The following MICALL2 variants were observed in gnomAD, a reference collection of about 807,000 sequenced individuals.
MICALL2 encodes MICAL like 2.
In MICALL2, 111 loss-of-function variants were observed where a neutral mutation model predicts 91.1. The ratio of observed to expected loss-of-function variants is 1.22; its 90% confidence interval spans 1.04 to 1.43. The LOEUF (loss-of-function observed/expected upper bound fraction) is 1.43. Among genes scored for constraint, MICALL2 ranks in the 40% most tolerant of loss-of-function variants. The probability of loss-of-function intolerance (pLI) is 0.00; values close to 1 mark genes in which losing one functional copy is unlikely to be tolerated. For missense variants in MICALL2, 1,556 were observed against 1,236.0 expected (o/e 1.26, Z -3.88); for synonymous variants, 694 against 525.3 (o/e 1.32, Z -4.39).
Position 1,438,245 on chromosome 7 carries a change from T to C in MICALL2, c.2188-25A>G, listed in dbSNP as rs752313782. ...GCTGGGAACGGAGGGGCGGTGAGGA[T>C]GCCGGAGGGCTGGGCCCCTGCCCGG... On this transcript the variant is annotated intron_variant, in intron 11 of 16. Transcript: ENST00000297508. 2.6e-5 allele frequency: 42 copies of C among 1,588,694 alleles called. No homozygotes were observed. The African/African-American group carries it at 5.5e-4, about 21-fold the overall frequency.
Position 1,452,497 on chromosome 7 carries a change from C to T in MICALL2, c.144-2209G>A, listed in dbSNP as rs916077750. Reference sequence around the variant, plus strand: ...CCTTCCCTAGGGTCACTGACCAAAGCGGCCATGTCCCCGGAAAGAATGCCC... The same window carrying T: ...CCTTCCCTAGGGTCACTGACCAAAGTGGCCATGTCCCCGGAAAGAATGCCC... On this transcript the variant is annotated intron_variant, in intron 1 of 16. Transcript: ENST00000297508. The surrounding 1 kb of genome is among the most constrained non-coding windows in gnomAD (Gnocchi z 6.2). 2.6e-5 allele frequency among the ~76,000 whole-genome samples: 4 copies of T among 152,190 alleles called. No homozygotes were observed. Among genetic ancestry groups the T allele is most frequent in the Non-Finnish European group, 5.9e-5 (4 of 68,034 alleles).
chr7:1,437,048 C>T (rs1584194925), intron 14 of MICALL2, 192 bp from the exon 15 acceptor site: 8 of 509,184 alleles, frequency 1.6e-5, no homozygotes, highest in Non-Finnish European at 2.7e-5. Flanking sequence ...AGCCCGTGTG[C>T]TGGGATCCTT....
rs759066184 is a variant in MICALL2, at chr7:1,438,277, A to G, written c.2187+12T>C. 195 of 1,593,080 alleles carry G rather than the reference A, an allele frequency of 1.2e-4. No individual in the cohort carries two copies. The highest frequency in any genetic ancestry group is 1.6e-4 in the Non-Finnish European group (186 of 1,170,344). On this transcript the variant is annotated intron_variant, in intron 11 of 16. Transcript: ENST00000297508. ...GGGCTGGGCCCCTGCCCGGCTCCCCACCACTACTCACCCTGACTGGGGAGG... is the reference window on the plus strand; with the variant it reads ...GGGCTGGGCCCCTGCCCGGCTCCCCGCCACTACTCACCCTGACTGGGGAGG...
chr7:1,448,913 G>T, intron 2 of MICALL2, 152 bp from the exon 3 acceptor site: 1 of 873,682 alleles, frequency 1.1e-6, no homozygotes, highest in Non-Finnish European at 1.7e-6. Flanking sequence ...TGGCCTCCCG[G>T]CCTCAGCTTA....
intron 4 of MICALL2, 151 bp downstream of exon 4, chr7:1,447,424 C>A: frequency 3.6e-6 from 2 of 558,834 alleles, no homozygotes; most frequent in Non-Finnish European, 3.2e-6. Context: ...CCGGTCCTGG[C>A]GGCTCTTGCT....
At chr7:1,438,720 G>T in intron 10 of MICALL2, 120 bp downstream of exon 10, 1 of 1,492,450 alleles carries the variant, frequency 6.7e-7, no homozygotes, top group Non-Finnish European at 8.9e-7. Context: ...CTTCCTCCAG[G>T]CTTTCCCTCC....
Position 1,437,608 on chromosome 7 carries a change from C to T in MICALL2, c.2403G>A (p.Lys801=). ...GCTCCTCCAGACGCTGGGCCTTGGA[C>T]CTGCCGCACAGACACGCGTCTGAGG... is the stretch of plus-strand genomic sequence containing the variant. ...LLRQESELMY[K]SKAQRLEEQQ... The change falls in exon 14 of 17, where the codon AAG becomes AAA. Residue 801 remains lysine, a splice_region_variant and synonymous_variant. Coordinates refer to ENST00000297508, the MANE Select transcript of MICALL2 (RefSeq NM_182924.4). 6.5e-7 allele frequency: 1 copy of T among 1,539,482 alleles called. No homozygotes were observed. The highest frequency in any genetic ancestry group is 1.2e-5 in the South Asian group (1 of 83,976).
rs778465614 is a variant in MICALL2 at position 1,438,122 on chromosome 7, C to A, written c.2286G>T (p.Glu762Asp). Residue 762 changes from glutamate to aspartate, a missense_variant, in exon 12 of 17, where the codon GAG (glutamate) becomes GAT (aspartate). Glu to Asp is a conservative substitution (Grantham distance 45). Coordinates refer to ENST00000297508, the MANE Select transcript of MICALL2 (RefSeq NM_182924.4). The stretch of plus-strand genomic sequence containing the variant: ...CTCCCTCGGCCGCCCGCAGTCGCTT[C>A]TCCAGCTCCACGCCGCGGAGCTCCA... ...DALELRGVEL[E>D]KRLRAAEGDD... 3.2e-6 allele frequency: 5 copies of A among 1,563,560 alleles called. No homozygotes were observed. Among genetic ancestry groups the A allele is most frequent in the Non-Finnish European group, 4.3e-6 (5 of 1,154,884 alleles).
At chr7:1,456,151 C>G (rs556264873) in intron 1 of MICALL2, among the ~76,000 whole-genome samples, 1 of 151,882 alleles carries the variant, frequency 6.6e-6, no homozygotes, top group Non-Finnish European at 1.5e-5. Context: ...CCAGGCGCGG[C>G]GGCTCACATC....
Position 1,444,756 on chromosome 7 carries a change from G to A in MICALL2, c.1314C>T (p.Thr438=), listed in dbSNP as rs574887794. 3 of 1,612,202 alleles carry A rather than the reference G, an allele frequency of 1.9e-6. No homozygotes were observed. Among genetic ancestry groups the A allele is most frequent in the Middle Eastern group, 1.6e-4 (1 of 6,076 alleles). Residue 438 remains threonine, a synonymous_variant, in exon 6 of 17, where the codon ACC becomes ACT. Transcript: ENST00000297508. The part of the protein sequence containing the change: ...PGTSLSGRGP[T]PSLVLSKDSS... ...TGTCCTTGGATAGAACAAGTGACGGGGTGGGACCTCTGCCAGAAAGGCTGG... is the reference window on the plus strand; with the variant it reads ...TGTCCTTGGATAGAACAAGTGACGGAGTGGGACCTCTGCCAGAAAGGCTGG...
intron 3 of MICALL2, 141 bp from the exon 4 acceptor site, chr7:1,447,906 G>T (rs1323524697): frequency 6.8e-6 from 4 of 584,414 alleles, no homozygotes; most frequent in Non-Finnish European, 1.1e-5. Context: ...AGGTAACCCT[G>T]AGGGCACTTT....
rs1280800816 is a variant in MICALL2 at position 1,437,554 on chromosome 7, G to A, written c.2457C>T (p.Arg819=). 2 of 1,531,500 alleles carry A rather than the reference G, an allele frequency of 1.3e-6. No homozygotes were observed. Among genetic ancestry groups the A allele is most frequent in the African/African-American group, 2.8e-5 (2 of 72,360 alleles). 94.9% of individuals were successfully genotyped at this position (1,531,500 alleles called of 1,614,324 possible). A position where few individuals can be genotyped will look rare whatever the true frequency, so the allele number is the denominator to read the frequency against. Residue 819 remains arginine (R), a synonymous_variant, in exon 14 of 17, where the codon CGC becomes CGT. Transcript: ENST00000297508. ...EQQLDIEGEL[R]RLMAKPEALK... ...ACGCACCGGGCTTGGCCATGAGCCG[G>A]CGCAGCTCGCCCTCGATGTCCAGCT... is the stretch of plus-strand genomic sequence containing the variant.
intron 6 of MICALL2, 45 bp downstream of exon 6, chr7:1,444,607 T>G (rs765165645): frequency 6.4e-7 from 1 of 1,570,616 alleles, no homozygotes; most frequent in Admixed American, 1.8e-5. Context: ...CGCTGGCTGG[T>G]GCAAAGAGGC....
chr7:1,444,698 G>C lies in MICALL2; in HGVS notation c.1372C>G (p.Gln458Glu). The part of the protein sequence containing the change: ...SKEQARNFLK[Q>E]ALSALEEAGA... ...GCCTCTTCCAGCGCTGAGAGGGCCTGCTTGAGGAAGTTCCGCGCCTGCTCC... is the reference window on the plus strand; with the variant it reads ...GCCTCTTCCAGCGCTGAGAGGGCCTCCTTGAGGAAGTTCCGCGCCTGCTCC... The change falls in exon 6 of 17, where the codon CAG becomes GAG. Residue 458 changes from glutamine (Q) to glutamate (E), a missense_variant. By Grantham distance (29) the Gln-to-Glu change is conservative. Coordinates refer to ENST00000297508, the MANE Select transcript of MICALL2 (RefSeq NM_182924.4). 6.2e-7 allele frequency: 1 copy of C among 1,612,200 alleles called. No homozygotes were observed. The highest frequency in any genetic ancestry group is 1.1e-5 in the South Asian group (1 of 91,076).
In MICALL2 at chr7:1,438,703, C is replaced by T. The variant is rs1780108793; in HGVS notation, c.2122+137G>A. The T allele has an allele frequency of 5.4e-6, 8 of 1,485,564 alleles. No homozygotes were observed. The South Asian group carries it at 1.1e-4, about 20-fold the overall frequency. The allele number at this position is 1,485,564 out of a possible 1,614,324, so 92.0% of individuals were successfully genotyped here. A position where few individuals can be genotyped will look rare whatever the true frequency, so the allele number is the denominator to read the frequency against. ...ATGAGGGCGGGCCTGGGGCACGGGG[C>T]TGGGTCCTTCCTCCAGGCTTTCCCT... On this transcript the variant is annotated intron_variant, in intron 10 of 16. Coordinates refer to ENST00000297508, the MANE Select transcript of MICALL2 (RefSeq NM_182924.4).
chr7:1,438,611 A>T (rs4489227), intron 10 of MICALL2: 3 of 1,419,916 alleles, frequency 2.1e-6, no homozygotes, highest in South Asian at 1.6e-5. Flanking sequence ...AAGCTGCCAG[A>T]AGCAGACATT....
chr7:1,444,886 G>A lies in MICALL2; in HGVS notation c.1184C>T (p.Ser395Phe), dbSNP rs960570805. 5.0e-6 allele frequency: 8 copies of A among 1,585,268 alleles called. No homozygotes were observed. Among genetic ancestry groups the A allele is most frequent in the East Asian group, 4.5e-5 (2 of 44,216 alleles). The part of the protein sequence containing the change: ...AAPQTTLSSS[S>F]TSAATVDPPA... ...GGGGTCCACCGTGGCTGCAGATGTGGAGCTTGAACTGAGTGTGGTTTGAGG... is the reference window on the plus strand; with the variant it reads ...GGGGTCCACCGTGGCTGCAGATGTGAAGCTTGAACTGAGTGTGGTTTGAGG... Residue 395 changes from serine (S) to phenylalanine (F), a missense_variant, in exon 6 of 17, where the codon TCC becomes TTC. Coordinates refer to ENST00000297508, the MANE Select transcript of MICALL2 (RefSeq NM_182924.4).
chr7:1,439,036 G>A (rs766011833), intron 9 of MICALL2, 41 bp from the exon 10 acceptor site: 3 of 1,493,620 alleles, frequency 2.0e-6, no homozygotes, highest in Admixed American at 1.8e-5. Context: ...TTCAGAGCAG[G>A]GCCACTGGGA....
At chr7:1,439,351 TC>T in intron 9 of MICALL2, 1 of 255,520 alleles carries the variant, frequency 3.9e-6, no homozygotes, top group South Asian at 9.2e-5. Flanking sequence ...CACACATGCA[TC>T]ACATTCATGA....
Sources: allele counts gnomAD v4.1 joint callset (sites outside exome capture counted in the v4.1 genomes callset), GRCh38; gene constraint gnomAD v4.1.1; non-coding constraint Gnocchi (gnomAD v3.1); transcripts MANE v1.5; gene names NCBI Gene and HGNC (gene_info 2026-07-23, HGNC 2026-07-21).